Variants in KPNA5 observed in about 807,000 individuals in gnomAD.
KPNA5 encodes the protein importin subunit alpha-6.
KPNA5 carries 46 observed loss-of-function variants against 71.3 expected under a neutral mutation model. That is an observed-to-expected ratio of 0.65 (90% CI 0.51 to 0.83). The LOEUF is 0.83. Ranked by LOEUF, KPNA5 falls within the 40% of genes least tolerant of loss-of-function variation. The probability of loss-of-function intolerance (pLI) is 0.00; values close to 1 mark genes in which losing one functional copy is unlikely to be tolerated. For synonymous variants in KPNA5, 207 were observed against 201.4 expected (o/e 1.03, Z -0.24); for missense variants, 547 against 628.3 (o/e 0.87, Z 1.38).
chr6:116,723,679 A>G (rs1779197287), intron 9 of KPNA5, among the ~76,000 whole-genome samples: 1 of 151,196 alleles, frequency 6.6e-6, no homozygotes, highest in Non-Finnish European at 1.5e-5. Context: ...TGTAGTTAGA[A>G]TGATAGTATT....
intron 1 of KPNA5, among the ~76,000 whole-genome samples, chr6:116,688,126 T>C (rs574450149): frequency 6.6e-6 from 1 of 152,240 alleles, no homozygotes; most frequent in South Asian, 2.1e-4. Context: ...CTTTCCTGTT[T>C]TTCCTTTAAA....
intron 7 of KPNA5, among the ~76,000 whole-genome samples, chr6:116,705,809 T>C (rs1778418716): frequency 6.6e-6 from 1 of 152,182 alleles, no homozygotes; most frequent in African/African-American, 2.4e-5. Flanking sequence ...TATTTTACTC[T>C]TCATTTCTGC....
rs1378925187 is a variant in KPNA5, at chr6:116,724,245, G to T, written c.921-52G>T. ...TTTGTAGTATTTTTGTAACTTCTGT[G>T]TAAATTTTAAATTCTTACTAGTATT... On this transcript the variant is annotated intron_variant, in intron 9 of 13. Coordinates refer to ENST00000368564, the MANE Select transcript of KPNA5 (RefSeq NM_001366306.2). 24 of 1,259,834 alleles carry T rather than the reference G, an allele frequency of 1.9e-5. No homozygotes were observed. In the Admixed American group the frequency reaches 4.2e-4, roughly 22 times the overall value. 78.0% of individuals were successfully genotyped at this position (1,259,834 alleles called of 1,614,324 possible).
chr6:116,701,365 A>G (rs188907670), intron 5 of KPNA5, among the ~76,000 whole-genome samples: 4 of 152,234 alleles, frequency 2.6e-5, no homozygotes, highest in Admixed American at 2.6e-4. Context: ...TTTTGGAGCC[A>G]TGGTTGAATT....
chr6:116,720,149 T>G (rs1229802763), intron 8 of KPNA5, among the ~76,000 whole-genome samples: 6 of 152,224 alleles, frequency 3.9e-5, no homozygotes, highest in Non-Finnish European at 8.8e-5. Context: ...AACCTCTTCC[T>G]CTACTTTAGC....
At chr6:116,696,936 ATG>A (rs200079098) in intron 4 of KPNA5, among the ~76,000 whole-genome samples, 1 of 151,692 alleles carries the variant, frequency 6.6e-6, no homozygotes. Context: ...TTGGGTTCTT[ATG>A]TGTGTGTGTG....
chr6:116,715,180 AT>A (rs1158444795), intron 7 of KPNA5, among the ~76,000 whole-genome samples: 1 of 152,080 alleles, frequency 6.6e-6, no homozygotes, highest in South Asian at 2.1e-4. Flanking sequence ...TAAAACAGGG[AT>A]TTTTTTAACC....
At chr6:116,683,459 C>G (rs1467640559) in intron 1 of KPNA5, among the ~76,000 whole-genome samples, 2 of 152,104 alleles carry the variant, frequency 1.3e-5, no homozygotes, top group African/African-American at 4.8e-5. Context: ...TCAGTTTGCA[C>G]TGTAATGAAC....
At chr6:116,729,783 A>G (rs1212555915) in intron 13 of KPNA5, 42 bp downstream of exon 13, 2 of 1,218,210 alleles carry the variant, frequency 1.6e-6, no homozygotes, top group Non-Finnish European at 2.2e-6. Flanking sequence ...GTCAGTTCTT[A>G]TATCTGTCAT....
At chr6:116,724,998 C>G (rs1454859268) in intron 10 of KPNA5, among the ~76,000 whole-genome samples, 1 of 152,096 alleles carries the variant, frequency 6.6e-6, no homozygotes, top group Non-Finnish European at 1.5e-5. Flanking sequence ...ATTTTTTATT[C>G]TAACCTACAT....
intron 2 of KPNA5, among the ~76,000 whole-genome samples, chr6:116,691,182 T>C (rs992913059): frequency 6.6e-6 from 1 of 152,270 alleles, no homozygotes; most frequent in Non-Finnish European, 1.5e-5. Flanking sequence ...TGAGCCGAGA[T>C]TGTGCCACTG....
rs560016878 is a variant in KPNA5 at position 116,738,144 on chromosome 6, C to T, written c.*5821C>T. On this transcript the variant is annotated 3_prime_UTR_variant, in exon 14 of 14. Coordinates refer to ENST00000368564, the MANE Select transcript of KPNA5 (RefSeq NM_001366306.2). ...AGAAAAGAGAGAAGAATCAAATAGA[C>T]GCAATAAAAAATGATAAAGGGGATA... 7 of 151,822 alleles carry T rather than the reference C, an allele frequency of 4.6e-5. No individual in the cohort carries two copies. Among genetic ancestry groups the T allele is most frequent in the East Asian group, 3.9e-4 (2 of 5,162 alleles). The allele number at this position is 151,822 out of a possible 1,614,324, so 9.4% of individuals were successfully genotyped here.
At position 116,725,717 on chromosome 6, in the gene KPNA5, A is replaced by G. The variant is rs529739958; in HGVS notation, c.1000-34A>G. The G allele has an allele frequency of 1.1e-5, 17 of 1,558,630 alleles. 1 individual carries two copies. In the South Asian group the frequency reaches 1.6e-4, roughly 15 times the overall value. ...GATTTTCATATAGGTTATTTACTAT[A>G]AAACTTTTTGTTTCCATTTCTAACT... On this transcript the variant is annotated intron_variant, in intron 10 of 13. Transcript: ENST00000368564.
chr6:116,710,887 A>G (rs1217390639), intron 7 of KPNA5, among the ~76,000 whole-genome samples: 20 of 69,956 alleles, frequency 2.9e-4, no homozygotes, highest in Non-Finnish European at 3.9e-4. Flanking sequence ...ATATATATAT[A>G]TATATATTTT....
At chr6:116,721,038 G>A (rs1249072460) in intron 8 of KPNA5, among the ~76,000 whole-genome samples, 2 of 152,034 alleles carry the variant, frequency 1.3e-5, no homozygotes, top group Non-Finnish European at 2.9e-5. Flanking sequence ...CAGAAAATGT[G>A]GTATATATTC....
intron 11 of KPNA5, 130 bp downstream of exon 11, chr6:116,726,006 C>T: frequency 1.1e-6 from 1 of 938,292 alleles, no homozygotes; most frequent in Non-Finnish European, 1.5e-6. Context: ...AGAACATGGG[C>T]TTTCCTCCTC....
At chr6:116,731,224 G>C (rs955608669) in intron 13 of KPNA5, among the ~76,000 whole-genome samples, 1 of 151,738 alleles carries the variant, frequency 6.6e-6, no homozygotes, top group African/African-American at 2.4e-5. Context: ...ACATTGTATG[G>C]GTGATTCAGA....
At chr6:116,701,661 CTT>C (rs1562437292) in intron 5 of KPNA5, among the ~76,000 whole-genome samples, 2 of 152,020 alleles carry the variant, frequency 1.3e-5, no homozygotes, top group Admixed American at 1.3e-4. Flanking sequence ...AGTAGTGTCT[CTT>C]ATTTATTTTT....
rs574818269 is a variant in KPNA5, at chr6:116,690,635, T to TC, written c.138+1184dup. On this transcript the variant is annotated intron_variant, in intron 2 of 13. Transcript: ENST00000368564. ...TCCAGCCTGGGCGACAGAGTAAGAC[T>TC]CCATCTCAAAAAAAAAAAAAAAAAG... Among the ~76,000 whole-genome samples the TC allele has an allele frequency of 2.0e-3, 280 of 140,328 alleles. 3 individuals carry two copies. The highest frequency in any genetic ancestry group is 7.3e-3 in the African/African-American group (269 of 36,916). 92.1% of individuals were successfully genotyped at this position (140,328 alleles called of 152,430 possible).
Sources: allele counts gnomAD v4.1 joint callset (sites outside exome capture counted in the v4.1 genomes callset), GRCh38; gene constraint gnomAD v4.1.1; transcripts MANE v1.5; gene names NCBI Gene and HGNC (gene_info 2026-07-23, HGNC 2026-07-21).